The following SH3KBP1 variants were observed in gnomAD, a reference collection of about 807,000 sequenced individuals.
SH3KBP1 encodes the protein SH3 domain containing kinase binding protein 1, also known as SH3 domain-containing kinase-binding protein 1.
Under a neutral mutation model 50.1 loss-of-function variants are expected in SH3KBP1, and 8 were observed. The ratio of observed to expected loss-of-function variants is 0.16; its 90% CI spans 0.09 to 0.29. The LOEUF (loss-of-function observed/expected upper bound fraction) is 0.29. Among genes scored for constraint, SH3KBP1 ranks in the 10% least tolerant of loss-of-function variants. The pLI, the probability that SH3KBP1 is intolerant of heterozygous loss-of-function variation, is 1.00. For synonymous variants in SH3KBP1, 227 were observed against 218.6 expected (o/e 1.04, Z -0.34); for missense variants, 377 against 535.2 (o/e 0.70, Z 2.92).
chrX:19,776,831 G>C (rs1376750796), intron 2 of SH3KBP1, among the ~76,000 whole-genome samples: 4 of 110,553 alleles, frequency 3.6e-5, no homozygotes, highest in African/African-American at 9.9e-5. Flanking sequence ...CAGGATGACA[G>C]GTGTGAGCCA....
At chrX:19,583,124 A>AAT (rs2066426541) in intron 12 of SH3KBP1, among the ~76,000 whole-genome samples, 1 of 53,409 alleles carries the variant, frequency 1.9e-5, no homozygotes, top group Non-Finnish European at 3.5e-5. Context: ...TTGCTAATAC[A>AAT]CATTATTATT....
chrX:19,637,604 T>A (rs183379787), intron 7 of SH3KBP1, among the ~76,000 whole-genome samples: 1 of 110,526 alleles, frequency 9.0e-6, no homozygotes, highest in Non-Finnish European at 1.9e-5. Flanking sequence ...ACCAGAGGAG[T>A]AGGATTGGGG....
chrX:19,666,764 C>T (rs1427023939), intron 6 of SH3KBP1, among the ~76,000 whole-genome samples: 7 of 111,504 alleles, frequency 6.3e-5, no homozygotes, highest in African/African-American at 2.3e-4. Flanking sequence ...TGAAACAATG[C>T]AGCCACTGTA....
intron 1 of SH3KBP1, among the ~76,000 whole-genome samples, chrX:19,861,613 C>A (rs2068780203): frequency 1.8e-5 from 2 of 111,369 alleles, no homozygotes; most frequent in Non-Finnish European, 3.8e-5. Flanking sequence ...GGGAATTTAA[C>A]CATGTCAATG....
At chrX:19,774,803 A>G (rs1283441102) in intron 2 of SH3KBP1, among the ~76,000 whole-genome samples, 1 of 111,617 alleles carries the variant, frequency 9.0e-6, no homozygotes, top group Non-Finnish European at 1.9e-5. Flanking sequence ...ATGAATCCTC[A>G]GCTTTACATT....
chrX:19,627,241 T>C (rs1283760203), intron 8 of SH3KBP1, among the ~76,000 whole-genome samples: 1 of 112,159 alleles, frequency 8.9e-6, no homozygotes, highest in Admixed American at 9.4e-5. Context: ...ATGGCCACTC[T>C]CCACAGCTGG....
intron 12 of SH3KBP1, among the ~76,000 whole-genome samples, chrX:19,581,934 T>C (rs778957827): frequency 9.3e-6 from 1 of 107,216 alleles, no homozygotes; most frequent in South Asian, 4.3e-4. Context: ...CAGTATAGCC[T>C]CCAGCTCTTC....
At chrX:19,583,149 T>TATTATA (rs1334002711) in intron 12 of SH3KBP1, among the ~76,000 whole-genome samples, 1 of 104,519 alleles carries the variant, frequency 9.6e-6, no homozygotes, top group Non-Finnish European at 1.9e-5. Flanking sequence ...TTATTATTAT[T>TATTATA]ATTATTATTA....
At chrX:19,656,124 T>G (rs950367655) in intron 6 of SH3KBP1, among the ~76,000 whole-genome samples, 1 of 110,644 alleles carries the variant, frequency 9.0e-6, no homozygotes, top group Non-Finnish European at 1.9e-5. Context: ...GGATTCGCAG[T>G]GGGAGTTGAA....
chrX:19,768,524 A>G (rs73461642), intron 2 of SH3KBP1, among the ~76,000 whole-genome samples: 2,937 of 96,368 alleles, frequency 0.03, 98 homozygotes, highest in African/African-American at 0.11. Flanking sequence ...TGGGCATCCT[A>G]GATACACCAA....
At chrX:19,836,948 T>C (rs1269305892) in intron 1 of SH3KBP1, among the ~76,000 whole-genome samples, 1 of 112,180 alleles carries the variant, frequency 8.9e-6, no homozygotes, top group African/African-American at 3.2e-5. Flanking sequence ...CCTGCCACCA[T>C]GTGAAGAAGG....
At chrX:19,686,153 G>T (rs1018647557) in intron 5 of SH3KBP1, among the ~76,000 whole-genome samples, 2 of 111,872 alleles carry the variant, frequency 1.8e-5, no homozygotes, top group Non-Finnish European at 3.8e-5. Context: ...ACACACAGCA[G>T]ATTTTTCTTC....
intron 1 of SH3KBP1, among the ~76,000 whole-genome samples, chrX:19,870,019 A>T (rs2068997668): frequency 8.9e-6 from 1 of 112,365 alleles, no homozygotes; most frequent in South Asian, 3.7e-4. Flanking sequence ...TCGGGGAGAA[A>T]GGGTAAGTAT....
chrX:19,882,929 C>T (rs1410389657), intron 1 of SH3KBP1, among the ~76,000 whole-genome samples: 1 of 111,899 alleles, frequency 8.9e-6, no homozygotes, highest in Non-Finnish European at 1.9e-5. Flanking sequence ...TGTCTTAACA[C>T]AAGAAGTGTG....
intron 3 of SH3KBP1, among the ~76,000 whole-genome samples, chrX:19,745,252 T>C (rs920241637): frequency 1.2e-4 from 13 of 112,474 alleles, no homozygotes; most frequent in African/African-American, 4.2e-4. Context: ...AAGAAAATCC[T>C]ATAGCTGCTA....
chrX:19,659,678 A>G (rs1225837772), intron 6 of SH3KBP1, among the ~76,000 whole-genome samples: 2 of 112,125 alleles, frequency 1.8e-5, no homozygotes, highest in Non-Finnish European at 3.8e-5. Context: ...AACTCAGGAC[A>G]CTCCAGTTAC....
At chrX:19,545,743 G>A (rs1416989680) in intron 15 of SH3KBP1, among the ~76,000 whole-genome samples, 179 bp downstream of exon 15, 5 of 111,957 alleles carry the variant, frequency 4.5e-5, no homozygotes, top group Admixed American at 9.5e-5. Context: ...TGTATCTCAG[G>A]GATTCTGCCT....
At position 19,671,125 on chromosome X, in the gene SH3KBP1, C is replaced by T. The variant is rs765147884; in HGVS notation, c.726+12698G>A. On this transcript the variant is annotated intron_variant, in intron 6 of 17. Transcript: ENST00000397821. ...ATGTTGCTGCTGCAATCTGGGCTCC[C>T]TCCTGGGGCCCCCAGGTGTGACCAT... 17 of 669,300 alleles carry T rather than the reference C, an allele frequency of 2.5e-5. No homozygotes were observed. The African/African-American group carries it at 3.8e-4, about 15-fold the overall frequency. The allele number at this position is 669,300 out of a possible 1,213,427, so 55.2% of individuals were successfully genotyped here.
chrX:19,597,960 G>C (rs144214997), intron 9 of SH3KBP1, among the ~76,000 whole-genome samples: 6,491 of 112,440 alleles, frequency 0.058, 473 homozygotes, highest in African/African-American at 0.2. Flanking sequence ...TAGATCTTCT[G>C]GATAACTTGC....
Sources: allele counts gnomAD v4.1 joint callset (sites outside exome capture counted in the v4.1 genomes callset), GRCh38; gene constraint gnomAD v4.1.1; transcripts MANE v1.5; gene names NCBI Gene and HGNC (gene_info 2026-07-23, HGNC 2026-07-21).